The following RNF216 variants were observed in gnomAD, a reference collection of about 807,000 sequenced individuals.
RNF216 encodes E3 ubiquitin-protein ligase RNF216.
Under a neutral mutation model 110.8 loss-of-function variants are expected in RNF216, and 72 were observed. That is an observed-to-expected ratio of 0.65 (90% confidence interval 0.54 to 0.79). The LOEUF is 0.79. Ranked by LOEUF, RNF216 falls within the 30% of genes least tolerant of loss-of-function variation. The pLI, the probability that RNF216 is intolerant of heterozygous loss-of-function variation, is 0.00. For missense variants in RNF216, 1,342 were observed against 1,141.2 expected (o/e 1.18, Z -2.54); for synonymous variants, 495 against 407.5 (o/e 1.21, Z -2.59).
chr7:5,727,603 G>T (rs1305994433), intron 7 of RNF216, among the ~76,000 whole-genome samples: 1 of 152,142 alleles, frequency 6.6e-6, no homozygotes. Context: ...GTGGTGGCGT[G>T]CACCTGTAGT....
At chr7:5,697,314 G>T (rs1791691976) in intron 13 of RNF216, among the ~76,000 whole-genome samples, 1 of 152,220 alleles carries the variant, frequency 6.6e-6, no homozygotes. Context: ...TAGGGCCGTG[G>T]TTGCCCTTTC....
chr7:5,744,599 T>A (rs904894703), intron 3 of RNF216, among the ~76,000 whole-genome samples: 23 of 152,244 alleles, frequency 1.5e-4, no homozygotes, highest in African/African-American at 5.5e-4. Context: ...TAGAATATAT[T>A]CAAAACCTCA....
intron 9 of RNF216, among the ~76,000 whole-genome samples, chr7:5,719,198 T>C (rs1352088829): frequency 6.6e-6 from 1 of 152,016 alleles, no homozygotes; most frequent in Non-Finnish European, 1.5e-5. Flanking sequence ...CTGGACAGCA[T>C]GGGGAAACCC....
At chr7:5,730,926 G>A in intron 5 of RNF216, 109 bp from the exon 6 acceptor site, 10 of 1,448,532 alleles carry the variant, frequency 6.9e-6, no homozygotes, top group East Asian at 5.0e-5. Context: ...CATTACAACT[G>A]GCCTATCAAG....
At position 5,704,786 on chromosome 7, in the gene RNF216, G is replaced by A. The variant is rs954734006; in HGVS notation, c.2061+6975C>T. 7.2e-5 allele frequency among the ~76,000 whole-genome samples: 11 copies of A among 152,254 alleles called. No homozygotes were observed. In the East Asian group the frequency reaches 1.7e-3, roughly 24 times the overall value. On this transcript the variant is annotated intron_variant, in intron 13 of 16. Coordinates refer to ENST00000389902, the MANE Select transcript of RNF216 (RefSeq NM_207111.4). ...GTCACTGAGCCAGCTCCACCAGGCC[G>A]TCACTGCCTCAGGTCCCCATATAAC...
intron 2 of RNF216, chr7:5,760,522 G>GAAAAAAAAAAAA: frequency 4.4e-6 from 1 of 226,242 alleles, no homozygotes; most frequent in Non-Finnish European, 9.0e-6. Flanking sequence ...CTCAAAAAAA[G>GAAAAAAAAAAAA]AAAAAAAAAA....
At chr7:5,720,714 T>C (rs1793366528) in intron 9 of RNF216, among the ~76,000 whole-genome samples, 1 of 152,116 alleles carries the variant, frequency 6.6e-6, no homozygotes, top group Admixed American at 6.6e-5. Context: ...ACAACCAATA[T>C]ATACATTCCA....
chr7:5,740,695 T>G (rs1476937671), intron 4 of RNF216, among the ~76,000 whole-genome samples: 1 of 151,784 alleles, frequency 6.6e-6, no homozygotes, highest in Admixed American at 6.6e-5. Flanking sequence ...CTCAAGGAAT[T>G]TGAAAAAAAC....
At chr7:5,636,570 G>A (rs777388149) in intron 15 of RNF216, among the ~76,000 whole-genome samples, 3 of 152,210 alleles carry the variant, frequency 2.0e-5, no homozygotes, top group Non-Finnish European at 2.9e-5. Context: ...TTGTGTGACA[G>A]TGCATGCTTT....
At position 5,641,265 on chromosome 7, in the gene RNF216, G is replaced by A; in HGVS notation, c.2271C>T (p.Cys757=). 1 of 1,614,046 alleles carries A rather than the reference G, an allele frequency of 6.2e-7. No individual in the cohort carries two copies. The highest frequency in any genetic ancestry group is 8.5e-7 in the Non-Finnish European group (1 of 1,179,928). The change falls in exon 15 of 17, where the codon TGC becomes TGT. Residue 757 remains cysteine (C), a synonymous_variant. Transcript: ENST00000389902. ...RMSCRCGAQM[C]YLCRVSINGY... ...CATTAATAGAAACTCGACAGAGGTA[G>A]CACATCTGGGCACCACAGCGGCAAG...
At chr7:5,740,865 A>G in intron 4 of RNF216, 108 bp downstream of exon 4, 2 of 1,008,898 alleles carry the variant, frequency 2.0e-6, no homozygotes, top group Non-Finnish European at 2.8e-6. Flanking sequence ...CTTCTTAGGA[A>G]AATGAAGTCC....
At chr7:5,758,716 C>T (rs908821252) in intron 2 of RNF216, among the ~76,000 whole-genome samples, 10 of 152,112 alleles carry the variant, frequency 6.6e-5, no homozygotes, top group South Asian at 4.1e-4. Flanking sequence ...GGAGTATATA[C>T]GCAATGCATG....
At position 5,641,202 on chromosome 7, in the gene RNF216, T is replaced by G. The variant is rs749103998; in HGVS notation, c.2334A>C (p.Gly778=). 1 of 1,614,192 alleles carries G rather than the reference T, an allele frequency of 6.2e-7. No homozygotes were observed. The highest frequency in any genetic ancestry group is 1.1e-5 in the South Asian group (1 of 91,082). ...ATCTTGAACACTCCTGGCAAGGGGC[T>G]CCTGGTGAGCGGGGATGTTGGCAGA... ...DHFCQHPRSP[G]APCQECSRCS... Residue 778 remains glycine (G), a synonymous_variant, in exon 15 of 17, where the codon GGA becomes GGC. Coordinates refer to ENST00000389902, the MANE Select transcript of RNF216 (RefSeq NM_207111.4).
chr7:5,626,268 G>T (rs1786695472), intron 15 of RNF216, among the ~76,000 whole-genome samples: 1 of 152,164 alleles, frequency 6.6e-6, no homozygotes, highest in Admixed American at 6.5e-5. Context: ...GAGTCAACAT[G>T]AAGGACTGCA....
rs565625267 is a variant in RNF216, at chr7:5,741,282, T to C, written c.735A>G (p.Ile245Met). Residue 245 changes from isoleucine (I) to methionine (M), a missense_variant, in exon 4 of 17, where the codon ATA (isoleucine) becomes ATG (methionine). By Grantham distance (10) the Ile-to-Met change is conservative (BLOSUM62 1). Transcript: ENST00000389902. ...GTTCCTGAGGAACGACCTGGTTTGTTATTTCACGGGGCTGTTGGTTCAGAG... is the reference window on the plus strand; with the variant it reads ...GTTCCTGAGGAACGACCTGGTTTGTCATTTCACGGGGCTGTTGGTTCAGAG... ...FQSLNQQPRE[I>M]TNQVVPQERQ... is the part of the protein sequence containing the mutation. 3 of 1,613,980 alleles carry C rather than the reference T, an allele frequency of 1.9e-6. No individual in the cohort carries two copies. Among genetic ancestry groups the C allele is most frequent in the African/African-American group, 1.3e-5 (1 of 74,912 alleles).
At chr7:5,752,438 A>C (rs1394276902) in intron 3 of RNF216, among the ~76,000 whole-genome samples, 1 of 152,168 alleles carries the variant, frequency 6.6e-6, no homozygotes, top group Non-Finnish European at 1.5e-5. Flanking sequence ...GGATTACGCA[A>C]ACTGATTATA....
At chr7:5,650,387 T>C (rs1012656572) in intron 14 of RNF216, among the ~76,000 whole-genome samples, 1 of 152,224 alleles carries the variant, frequency 6.6e-6, no homozygotes, top group African/African-American at 2.4e-5. Context: ...ACAATCAGAA[T>C]GAAGGCTGTG....
At position 5,624,003 on chromosome 7, in the gene RNF216, C is replaced by G; in HGVS notation, c.2452+53G>C. 2 of 1,506,210 alleles carry G rather than the reference C, an allele frequency of 1.3e-6. No individual in the cohort carries two copies. Among genetic ancestry groups the G allele is most frequent in the South Asian group, 2.3e-5 (2 of 86,934 alleles). The allele number at this position is 1,506,210 out of a possible 1,614,324, so 93.3% of individuals were successfully genotyped here. On this transcript the variant is annotated intron_variant, in intron 16 of 16. Transcript: ENST00000389902. The surrounding 1 kb of genome is among the most constrained non-coding windows in gnomAD (Gnocchi z 4.4). ...GGACACTCAGGGAGGCCAGCAGAAGCCTGCATGGCCTGGCTGCTGCTCTGT... is the reference window on the plus strand; with the variant it reads ...GGACACTCAGGGAGGCCAGCAGAAGGCTGCATGGCCTGGCTGCTGCTCTGT...
At chr7:5,689,657 A>C (rs1181930648) in intron 13 of RNF216, among the ~76,000 whole-genome samples, 1 of 152,212 alleles carries the variant, frequency 6.6e-6, no homozygotes, top group African/African-American at 2.4e-5. Context: ...GCAGAGTTTA[A>C]TAAATAGTAC....
Sources: allele counts gnomAD v4.1 joint callset (sites outside exome capture counted in the v4.1 genomes callset), GRCh38; gene constraint gnomAD v4.1.1; non-coding constraint Gnocchi (gnomAD v3.1); transcripts MANE v1.5; gene names NCBI Gene and HGNC (gene_info 2026-07-23, HGNC 2026-07-21).